The following NPFFR2 variants were observed in gnomAD, a reference collection of about 807,000 sequenced individuals.
NPFFR2 encodes neuropeptide FF receptor 2.
A neutral mutation model predicts 13.1 loss-of-function variants in NPFFR2; 15 were observed. That is an observed-to-expected ratio of 1.15 (90% CI 0.77 to 1.76). The LOEUF (loss-of-function observed/expected upper bound fraction) is 1.76. NPFFR2 is among the 40% of genes most tolerant of loss of function. The probability of loss-of-function intolerance (pLI) is 0.00; values close to 1 mark genes in which losing one functional copy is unlikely to be tolerated. For missense variants in NPFFR2, 572 were observed against 503.5 expected, an observed-to-expected ratio of 1.14 and a Z score of -1.30; for synonymous variants, 190 against 175.7, an observed-to-expected ratio of 1.08 and a Z score of -0.65.
intron 1 of NPFFR2, among the ~76,000 whole-genome samples, chr4:72,047,735 A>G (rs1471726017): frequency 1.3e-5 from 2 of 152,216 alleles, no homozygotes. Flanking sequence ...TAAAAATTAT[A>G]GAAATATATG....
chr4:72,054,536 T>A (rs530729085), intron 1 of NPFFR2, among the ~76,000 whole-genome samples: 1 of 151,876 alleles, frequency 6.6e-6, no homozygotes, highest in African/African-American at 2.4e-5. Flanking sequence ...TCTATAAAAA[T>A]CATAAGAGAA....
chr4:72,064,710 G>A (rs745370133), intron 1 of NPFFR2, among the ~76,000 whole-genome samples: 3 of 152,230 alleles, frequency 2.0e-5, no homozygotes, highest in Admixed American at 6.5e-5. Flanking sequence ...AAAAGAGGTC[G>A]GTGATAAGGA....
intron 1 of NPFFR2, among the ~76,000 whole-genome samples, chr4:72,084,561 A>G (rs1376085479): frequency 1.3e-5 from 2 of 152,192 alleles, no homozygotes; most frequent in Non-Finnish European, 2.9e-5. Flanking sequence ...AGTGCCTCAG[A>G]TTAATCATTT....
intron 1 of NPFFR2, among the ~76,000 whole-genome samples, chr4:72,063,303 G>A (rs761851484): frequency 1.4e-4 from 22 of 152,134 alleles, no homozygotes; most frequent in Non-Finnish European, 2.8e-4. Context: ...AAATTTTATG[G>A]CAAAACATAC....
At chr4:72,107,467 C>G (rs1355724449) in intron 1 of NPFFR2, among the ~76,000 whole-genome samples, 2 of 151,722 alleles carry the variant, frequency 1.3e-5, no homozygotes, top group South Asian at 2.1e-4. Flanking sequence ...GTTATGGGGC[C>G]TGGGTCAGGT....
At chr4:72,123,393 GACTCCTCCCTA>G (rs1178779253) in intron 1 of NPFFR2, among the ~76,000 whole-genome samples, 2 of 152,170 alleles carry the variant, frequency 1.3e-5, no homozygotes, top group Non-Finnish European at 2.9e-5. Context: ...GAAAAAGAGG[GACTCCTCCCTA>G]ACTCATGGAA....
chr4:72,082,451 A>G (rs755086930), intron 1 of NPFFR2, among the ~76,000 whole-genome samples: 2 of 152,172 alleles, frequency 1.3e-5, no homozygotes, highest in African/African-American at 2.4e-5. Flanking sequence ...GCCAAATTCA[A>G]TGACTACTCT....
intron 1 of NPFFR2, among the ~76,000 whole-genome samples, chr4:72,122,547 A>G (rs1326086495): frequency 6.6e-6 from 1 of 152,190 alleles, no homozygotes; most frequent in Admixed American, 6.5e-5. Context: ...ATCATAACAA[A>G]CAGTCTCTCA....
intron 1 of NPFFR2, among the ~76,000 whole-genome samples, chr4:72,105,400 A>G (rs1420891552): frequency 6.6e-6 from 1 of 152,038 alleles, no homozygotes; most frequent in African/African-American, 2.4e-5. Flanking sequence ...GGAAATTTCT[A>G]TGCACTCTGG....
At chr4:72,105,773 CTA>C (rs1462882784) in intron 1 of NPFFR2, among the ~76,000 whole-genome samples, 1 of 151,768 alleles carries the variant, frequency 6.6e-6, no homozygotes, top group African/African-American at 2.4e-5. Context: ...GAAAAAAAAA[CTA>C]TTTTTCAGTA....
chr4:72,051,615 G>A lies in NPFFR2; in HGVS notation c.-8+19415G>A, dbSNP rs551889753. Among the ~76,000 whole-genome samples the A allele has an allele frequency of 2.4e-3, 356 of 151,352 alleles. 4 individuals carry two copies. Among genetic ancestry groups the A allele is most frequent in the African/African-American group, 7.8e-3 (324 of 41,304 alleles). On this transcript the variant is annotated intron_variant, in intron 1 of 3. Coordinates refer to ENST00000308744, the MANE Select transcript of NPFFR2 (RefSeq NM_004885.3). ...GAAGCAAGAGCAAACACATTCAAAA[G>A]CTAGCAGAAGGCAAGAAATAACTAA... is the stretch of plus-strand genomic sequence containing the variant.
At chr4:72,089,078 G>A (rs567767218) in intron 1 of NPFFR2, among the ~76,000 whole-genome samples, 7 of 152,140 alleles carry the variant, frequency 4.6e-5, no homozygotes, top group African/African-American at 7.2e-5. Context: ...AGAACATAAC[G>A]ATGTTTGGTT....
intron 1 of NPFFR2, among the ~76,000 whole-genome samples, chr4:72,073,108 C>G (rs1414308484): frequency 6.6e-6 from 1 of 151,974 alleles, no homozygotes; most frequent in Non-Finnish European, 1.5e-5. Flanking sequence ...CTGATATATT[C>G]AAACTTCTAA....
chr4:72,050,301 T>C (rs568152641), intron 1 of NPFFR2, among the ~76,000 whole-genome samples: 2 of 152,096 alleles, frequency 1.3e-5, no homozygotes, highest in Admixed American at 6.6e-5. Context: ...CCCAAACTAA[T>C]ATTTTAAGCC....
At chr4:72,070,679 C>T (rs1578435858) in intron 1 of NPFFR2, among the ~76,000 whole-genome samples, 1 of 151,660 alleles carries the variant, frequency 6.6e-6, no homozygotes, top group Non-Finnish European at 1.5e-5. Flanking sequence ...CATGGCCTTC[C>T]GCAGCTCCAT....
chr4:72,123,927 C>G (rs138001203), intron 1 of NPFFR2, among the ~76,000 whole-genome samples: 39,633 of 151,948 alleles, frequency 0.26, 6,319 homozygotes, highest in Admixed American at 0.35. Context: ...AATCAGGCAA[C>G]AGAAAGCAAT....
At chr4:72,076,242 AT>A (rs1720433489) in intron 1 of NPFFR2, among the ~76,000 whole-genome samples, 1 of 86,850 alleles carries the variant, frequency 1.2e-5, no homozygotes. Context: ...AAATGACCTT[AT>A]TTGCTCTATG....
At chr4:72,033,208 A>G (rs1225368384) in intron 1 of NPFFR2, among the ~76,000 whole-genome samples, 2 of 152,226 alleles carry the variant, frequency 1.3e-5, no homozygotes, top group Non-Finnish European at 2.9e-5. Flanking sequence ...TTATCATAAT[A>G]ATGATGAATC....
At chr4:72,101,950 A>G (rs551801382) in intron 1 of NPFFR2, among the ~76,000 whole-genome samples, 1 of 152,238 alleles carries the variant, frequency 6.6e-6, no homozygotes, top group East Asian at 1.9e-4. Flanking sequence ...GTTAGAATAG[A>G]CTAGAATAGG....
Sources: gnomAD v4.1 joint callset for allele counts (sites outside exome capture counted in the v4.1 genomes callset) on GRCh38, gnomAD v4.1.1 for gene constraint, MANE v1.5 for transcripts, NCBI Gene and HGNC (gene_info 2026-07-23, HGNC 2026-07-21) for gene names.